PGM3: variants seen among roughly 807,000 people sequenced by gnomAD.
PGM3 encodes phosphoglucomutase 3.
Under a neutral mutation model 66.2 loss-of-function variants are expected in PGM3, and 40 were observed. The ratio of observed to expected loss-of-function variants is 0.60; its 90% CI spans 0.47 to 0.79. The LOEUF is 0.79. Ranked by LOEUF, PGM3 falls within the 30% of genes least tolerant of loss-of-function variation. The pLI is 0.00. For synonymous variants in PGM3, 191 were observed against 224.2 expected (o/e 0.85, Z 1.32); for missense variants, 537 against 643.4 (o/e 0.83, Z 1.79).
chr6:83,170,361 C>T lies in PGM3; in HGVS notation c.1483G>A (p.Val495Ile). The part of the protein sequence containing the change: ...VKKYKLSRAF[V>I]RPSGTEDVVR... Reference sequence around the variant, plus strand: ...ACATCTTCTGTACCAGAGGGCCGGACAAAAGCTCGAGAAAGCTTGTACTTC... The same window carrying T: ...ACATCTTCTGTACCAGAGGGCCGGATAAAAGCTCGAGAAAGCTTGTACTTC... Residue 495 changes from valine (V) to isoleucine (I), a missense_variant, in exon 12 of 13, where the codon GTC becomes ATC. Val to Ile is a conservative substitution (Grantham distance 29, BLOSUM62 3). Coordinates refer to ENST00000513973, the MANE Select transcript of PGM3 (RefSeq NM_015599.3). The T allele has an allele frequency of 6.2e-7, 1 of 1,614,172 alleles. No homozygotes were observed. Among genetic ancestry groups the T allele is most frequent in the Non-Finnish European group, 8.5e-7 (1 of 1,180,026 alleles).
Position 83,189,741 on chromosome 6 carries a change from A to G in PGM3, c.205-943T>C, listed in dbSNP as rs138284460. On this transcript the variant is annotated intron_variant, in intron 2 of 12. Transcript: ENST00000513973. ...GGTTGGCTAAGATATAGAAACAACA[A>G]AAGTGCTCATAAACAGATAAATGGA... 2.2e-3 allele frequency among the ~76,000 whole-genome samples: 339 copies of G among 152,376 alleles called. 2 individuals are homozygous for G. The Middle Eastern group carries it at 0.024, about 11-fold the overall frequency.
At chr6:83,157,635 T>C (rs1022689804), downstream of PGM3, among the ~76,000 whole-genome samples, 3 of 152,236 alleles carry the variant, frequency 2.0e-5, no homozygotes, top group African/African-American at 7.2e-5. Context: ...CAATAGCAGC[T>C]GGACCCATTT....
At chr6:83,159,718 C>A, downstream of PGM3, 2 of 1,496,948 alleles carry the variant, frequency 1.3e-6, no homozygotes, top group Non-Finnish European at 1.9e-6. Context: ...AAAATATTAG[C>A]TGGTACTTTT....
chr6:83,151,925 G>A, the PGM3 span: 1 of 1,613,574 alleles, frequency 6.2e-7, no homozygotes, highest in Non-Finnish European at 8.5e-7. Context: ...TGCAATTGCT[G>A]GTTCTTCTCT....
intron 7 of PGM3, among the ~76,000 whole-genome samples, chr6:83,179,013 T>C (rs947710306): frequency 2.6e-5 from 4 of 152,164 alleles, no homozygotes; most frequent in Admixed American, 2.6e-4. Flanking sequence ...CTTTAATTTT[T>C]TAAATAAAAG....
downstream of PGM3, chr6:83,159,607 A>T: frequency 1.5e-6 from 1 of 673,086 alleles, no homozygotes; most frequent in Non-Finnish European, 2.5e-6. Context: ...CTGTTTTTGC[A>T]TTCTCAAAGA....
chr6:83,156,591 C>T (rs577420858), downstream of PGM3, among the ~76,000 whole-genome samples: 15 of 152,242 alleles, frequency 9.9e-5, no homozygotes, highest in South Asian at 2.3e-3. Flanking sequence ...TATCAGTACA[C>T]GTGTCATCAC....
In PGM3 at chr6:83,186,990, C is replaced by G. The variant is rs374682677; in HGVS notation, c.457+18G>C. ...TTTTAAATATTAGTTTAATTTCCAA[C>G]TCAGGATAACTACATACCATGGAAT... On this transcript the variant is annotated intron_variant, in intron 4 of 12. Coordinates refer to ENST00000513973, the MANE Select transcript of PGM3 (RefSeq NM_015599.3). 1 of 1,372,032 alleles carries G rather than the reference C, an allele frequency of 7.3e-7. No individual in the cohort carries two copies. The highest frequency in any genetic ancestry group is 1.0e-6 in the Non-Finnish European group (1 of 989,018). The allele number at this position is 1,372,032 out of a possible 1,614,324, so 85.0% of individuals were successfully genotyped here.
downstream of PGM3, chr6:83,157,400 C>T (rs921570425): frequency 1.5e-5 from 21 of 1,426,590 alleles, no homozygotes; most frequent in Admixed American, 3.6e-5. Context: ...TAGATATTAA[C>T]GAATATTGGG....
chr6:83,188,768 A>C lies in PGM3; in HGVS notation c.235T>G (p.Leu79Val). 6.2e-7 allele frequency: 1 copy of C among 1,614,106 alleles called. No homozygotes were observed. The highest frequency in any genetic ancestry group is 8.5e-7 in the Non-Finnish European group (1 of 1,179,982). The part of the protein sequence containing the change: ...EDNGVKLVDP[L>V]GEMLAPSWEE... ...CAGGATGGTGCCAACATTTCACCCAAAGGATCAACCAATTTTACACCATTG... is the reference window on the plus strand; with the variant it reads ...CAGGATGGTGCCAACATTTCACCCACAGGATCAACCAATTTTACACCATTG... The change falls in exon 3 of 13, where the codon TTG becomes GTG. Residue 79 changes from leucine to valine, a missense_variant. Physicochemically the swap from Leu to Val is conservative, Grantham distance 32. Transcript: ENST00000513973.
the PGM3 span, among the ~76,000 whole-genome samples, chr6:83,152,821 T>G: frequency 6.6e-6 from 1 of 152,088 alleles, no homozygotes; most frequent in African/African-American, 2.4e-5. Context: ...TTTCATCAGT[T>G]TGGCCAGGCT....
the PGM3 span, among the ~76,000 whole-genome samples, chr6:83,149,668 G>T: frequency 6.6e-6 from 1 of 152,142 alleles, no homozygotes; most frequent in African/African-American, 2.4e-5. Flanking sequence ...GTTAGTAGTA[G>T]TAGGCTAGAT....
chr6:83,159,499 C>G (rs1409488420), downstream of PGM3, among the ~76,000 whole-genome samples: 3 of 151,968 alleles, frequency 2.0e-5, no homozygotes, highest in African/African-American at 7.2e-5. Context: ...TCATGTTGCC[C>G]AGGCTGGTCT....
downstream of PGM3, chr6:83,164,757 A>G (rs1221008091): frequency 1.3e-6 from 2 of 1,535,984 alleles, no homozygotes; most frequent in Admixed American, 2.0e-5. Context: ...TATGGCAGCA[A>G]AAGTTGCCAA....
rs545444658 is a variant in PGM3 at position 83,179,305 on chromosome 6, G to A, written c.945+505C>T. On this transcript the variant is annotated intron_variant, in intron 7 of 12. Transcript: ENST00000513973. ...CCAGCCTGGGCAACAGAGCAACACT[G>A]TCTCAAAAAAAAAAAAAAAAAAAAT... Among the ~76,000 whole-genome samples the A allele has an allele frequency of 1.4e-4, 18 of 130,658 alleles. No homozygotes were observed. In the East Asian group the frequency reaches 3.8e-3, roughly 28 times the overall value. 85.7% of individuals were successfully genotyped at this position (130,658 alleles called of 152,430 possible). A position where few individuals can be genotyped will look rare whatever the true frequency, so the allele number is the denominator to read the frequency against.
At chr6:83,192,606 A>G (rs1043808377) in intron 1 of PGM3, among the ~76,000 whole-genome samples, 7 of 152,154 alleles carry the variant, frequency 4.6e-5, no homozygotes, top group African/African-American at 1.7e-4. Flanking sequence ...CTCTTTCCTA[A>G]GGATGAATAC....
chr6:83,163,022 G>A, downstream of PGM3: 1 of 1,332,500 alleles, frequency 7.5e-7, no homozygotes, highest in South Asian at 1.8e-5. Context: ...TTATCAAGTT[G>A]AGCTATTTTG....
chr6:83,155,040 G>T, the PGM3 span, among the ~76,000 whole-genome samples: 9 of 152,174 alleles, frequency 5.9e-5, no homozygotes, highest in Non-Finnish European at 1.0e-4. Flanking sequence ...TTTAAAAGTT[G>T]TGAAGGAAAT....
At chr6:83,162,993 TC>T, downstream of PGM3, 1 of 1,467,554 alleles carries the variant, frequency 6.8e-7, no homozygotes, top group South Asian at 1.5e-5. Context: ...ATTAAATACT[TC>T]CTGGGAAACT....
Sources: allele counts gnomAD v4.1 joint callset (sites outside exome capture counted in the v4.1 genomes callset), GRCh38; gene constraint gnomAD v4.1.1; transcripts MANE v1.5; gene names NCBI Gene and HGNC (gene_info 2026-07-23, HGNC 2026-07-21).